NRG3: variants seen among roughly 807,000 people sequenced by gnomAD.
The protein encoded by NRG3 is neuregulin 3.
In NRG3, 31 loss-of-function variants were observed where a neutral mutation model predicts 66.9. The ratio of observed to expected loss-of-function variants is 0.46; its 90% confidence interval spans 0.35 to 0.63. NRG3 has a LOEUF of 0.63. NRG3 is among the 20% of genes least tolerant of loss of function. The pLI is 0.00. For missense variants in NRG3, 910 were observed against 878.9 expected, an observed-to-expected ratio of 1.04 and a Z score of -0.45; for synonymous variants, 393 against 359.4, an observed-to-expected ratio of 1.09 and a Z score of -1.06.
chr10:82,459,397 AAGTG>A (rs2091414524), intron 2 of NRG3, among the ~76,000 whole-genome samples: 2 of 152,178 alleles, frequency 1.3e-5, no homozygotes, highest in Admixed American at 1.3e-4. Context: ...GATTGTAAGC[AAGTG>A]CAAGTATATG....
intron 6 of NRG3, among the ~76,000 whole-genome samples, 187 bp downstream of exon 6, chr10:82,959,262 G>A (rs959741423): frequency 6.6e-6 from 1 of 152,158 alleles, no homozygotes; most frequent in Non-Finnish European, 1.5e-5. Context: ...CAGATAAAAG[G>A]CAAGTTAAAT....
At chr10:82,142,634 G>A (rs2069882611) in intron 1 of NRG3, among the ~76,000 whole-genome samples, 1 of 152,096 alleles carries the variant, frequency 6.6e-6, no homozygotes, top group Non-Finnish European at 1.5e-5. Context: ...AAACTGTAAG[G>A]AAGAAGACAG....
intron 1 of NRG3, among the ~76,000 whole-genome samples, chr10:82,003,882 T>G (rs777151220): frequency 2.6e-5 from 4 of 151,814 alleles, no homozygotes; most frequent in Non-Finnish European, 5.9e-5. Flanking sequence ...GCTGGGTGTG[T>G]TGGCATGCAC....
intron 2 of NRG3, among the ~76,000 whole-genome samples, chr10:82,463,714 G>A (rs945085259): frequency 6.6e-6 from 1 of 152,144 alleles, no homozygotes; most frequent in African/African-American, 2.4e-5. Flanking sequence ...GCTACCACAT[G>A]GCAGAGAACC....
intron 2 of NRG3, among the ~76,000 whole-genome samples, chr10:82,407,067 C>T (rs1590016871): frequency 7.5e-6 from 1 of 133,562 alleles, no homozygotes; most frequent in Non-Finnish European, 1.5e-5. Context: ...CCCGCCCCCA[C>T]CATTCCAGTG....
At chr10:82,099,269 TA>T (rs1230369223) in intron 1 of NRG3, among the ~76,000 whole-genome samples, 4 of 152,234 alleles carry the variant, frequency 2.6e-5, no homozygotes, top group Non-Finnish European at 5.9e-5. Context: ...AATATTTTTA[TA>T]AAACATAAAA....
At chr10:82,772,656 C>T (rs180808343) in intron 3 of NRG3, among the ~76,000 whole-genome samples, 3 of 150,542 alleles carry the variant, frequency 2.0e-5, no homozygotes, top group African/African-American at 7.3e-5. Flanking sequence ...CAAATGGCAA[C>T]GTCTTCCTTT....
chr10:82,640,039 G>A (rs971884024), intron 2 of NRG3, among the ~76,000 whole-genome samples: 9 of 152,016 alleles, frequency 5.9e-5, no homozygotes, highest in East Asian at 1.9e-4. Context: ...TTCTGTTCCC[G>A]TGTTAGTTTG....
chr10:82,667,412 G>GT (rs1231101509), intron 2 of NRG3, among the ~76,000 whole-genome samples: 4 of 152,028 alleles, frequency 2.6e-5, no homozygotes, highest in African/African-American at 9.7e-5. Context: ...ATGTTAATGT[G>GT]TTTTTTTCCA....
At chr10:82,201,891 A>G (rs2074846749) in intron 1 of NRG3, among the ~76,000 whole-genome samples, 1 of 152,140 alleles carries the variant, frequency 6.6e-6, no homozygotes, top group Non-Finnish European at 1.5e-5. Context: ...ATTATATTCA[A>G]TTCTGTTGAG....
At chr10:82,642,821 G>T (rs1327717586) in intron 2 of NRG3, among the ~76,000 whole-genome samples, 1 of 151,842 alleles carries the variant, frequency 6.6e-6, no homozygotes, top group Non-Finnish European at 1.5e-5. Flanking sequence ...CTGAATATTT[G>T]ATTATTTTGA....
At chr10:82,702,100 G>C (rs1386880777) in intron 2 of NRG3, among the ~76,000 whole-genome samples, 1 of 152,184 alleles carries the variant, frequency 6.6e-6, no homozygotes, top group Non-Finnish European at 1.5e-5. Context: ...CCACAGCACA[G>C]AAAACAGTGC....
chr10:82,562,657 AAT>A (rs1281270559), intron 2 of NRG3, among the ~76,000 whole-genome samples: 1 of 152,162 alleles, frequency 6.6e-6, no homozygotes, highest in Non-Finnish European at 1.5e-5. Flanking sequence ...CTCATGGCTG[AAT>A]ATAGTAAAAG....
chr10:82,694,977 G>C (rs1193334314), intron 2 of NRG3, among the ~76,000 whole-genome samples: 1 of 151,800 alleles, frequency 6.6e-6, no homozygotes, highest in South Asian at 2.1e-4. Context: ...TCATTTTAAG[G>C]CAGCCATTTT....
intron 3 of NRG3, among the ~76,000 whole-genome samples, chr10:82,847,593 C>T (rs1290679932): frequency 6.6e-6 from 1 of 152,064 alleles, no homozygotes; most frequent in East Asian, 1.9e-4. Context: ...CTTTAGGTAC[C>T]ACCAAGCCAA....
At chr10:82,085,523 A>G (rs566823063) in intron 1 of NRG3, among the ~76,000 whole-genome samples, 41 of 152,234 alleles carry the variant, frequency 2.7e-4, no homozygotes, top group Middle Eastern at 3.4e-3. Flanking sequence ...ACAGAGGGCA[A>G]GCAACCATGC....
chr10:81,947,644 T>C (rs1227321909), intron 1 of NRG3, among the ~76,000 whole-genome samples: 1 of 152,102 alleles, frequency 6.6e-6, no homozygotes, highest in East Asian at 1.9e-4. Context: ...TTTTTTTTTT[T>C]CTAGCAGGTA....
intron 1 of NRG3, among the ~76,000 whole-genome samples, chr10:82,322,772 G>A (rs1045167532): frequency 1.3e-5 from 2 of 152,178 alleles, no homozygotes; most frequent in African/African-American, 4.8e-5. Context: ...GCAGTCTGTA[G>A]AGGAGAAGAG....
chr10:82,538,124 C>T (rs997472162), intron 2 of NRG3, among the ~76,000 whole-genome samples: 2 of 152,128 alleles, frequency 1.3e-5, no homozygotes, highest in Non-Finnish European at 2.9e-5. Flanking sequence ...GGTCTCTGTG[C>T]CCCAGATGTG....
Sources: gnomAD v4.1 joint callset for allele counts (sites outside exome capture counted in the v4.1 genomes callset) on GRCh38, gnomAD v4.1.1 for gene constraint, MANE v1.5 for transcripts, NCBI Gene and HGNC (gene_info 2026-07-23, HGNC 2026-07-21) for gene names.